Variants in KDM4C observed in about 807,000 individuals in gnomAD.
The protein encoded by KDM4C is lysine demethylase 4C, also known as lysine-specific demethylase 4C.
In KDM4C, 81 loss-of-function variants were observed where a neutral mutation model predicts 129.3. The observed-to-expected ratio is 0.63, with a 90% CI of 0.52 to 0.75. The LOEUF is 0.75. Ranked by LOEUF, KDM4C falls within the 30% of genes least tolerant of loss-of-function variation. The pLI, the probability that KDM4C is intolerant of heterozygous loss-of-function variation, is 0.00. For synonymous variants in KDM4C, 573 were observed against 456.1 expected (o/e 1.26, Z -3.26); for missense variants, 1,457 against 1,304.0 (o/e 1.12, Z -1.81).
chr9:6,786,272 A>G (rs1206788874), intron 1 of KDM4C, among the ~76,000 whole-genome samples: 1 of 152,254 alleles, frequency 6.6e-6, no homozygotes, highest in Admixed American at 6.5e-5. Context: ...CAAGGAGAGT[A>G]GATGTTTGTC....
chr9:7,082,714 GC>G (rs2132952113), intron 17 of KDM4C, among the ~76,000 whole-genome samples: 1 of 152,282 alleles, frequency 6.6e-6, no homozygotes, highest in Admixed American at 6.5e-5. Flanking sequence ...CTGCTTTAGA[GC>G]TGCTTCCTTG....
intron 17 of KDM4C, among the ~76,000 whole-genome samples, chr9:7,087,784 A>T (rs944536835): frequency 2.6e-5 from 4 of 152,218 alleles, no homozygotes; most frequent in African/African-American, 9.6e-5. Context: ...TTAGAGATAC[A>T]TGTTTTATTT....
At chr9:7,167,512 A>C (rs551460735) in intron 20 of KDM4C, among the ~76,000 whole-genome samples, 1 of 152,232 alleles carries the variant, frequency 6.6e-6, no homozygotes, top group African/African-American at 2.4e-5. Context: ...GCCTAGTTCA[A>C]TGTTAAAGAA....
intron 4 of KDM4C, among the ~76,000 whole-genome samples, chr9:6,825,546 A>C (rs1430582988): frequency 1.3e-5 from 2 of 152,198 alleles, no homozygotes; most frequent in Middle Eastern, 3.2e-3. Context: ...TGATTCTCAA[A>C]CTGGAAGCCA....
intron 8 of KDM4C, among the ~76,000 whole-genome samples, chr9:6,899,129 C>G (rs1816932823): frequency 6.6e-6 from 1 of 151,582 alleles, no homozygotes; most frequent in East Asian, 1.9e-4. Flanking sequence ...TGTAACAGAG[C>G]TGATGAGTAG....
intron 1 of KDM4C, among the ~76,000 whole-genome samples, chr9:6,785,333 C>T (rs1563999198): frequency 6.9e-6 from 1 of 145,318 alleles, no homozygotes; most frequent in Non-Finnish European, 1.5e-5. Context: ...GTCTCTTCTC[C>T]TCTTCCTCTT....
chr9:7,170,471 A>C, intron 21 of KDM4C: 18 of 984,062 alleles, frequency 1.8e-5, no homozygotes, highest in Non-Finnish European at 2.2e-5. Context: ...TAGTAGTTTC[A>C]TGCCCTCACA....
chr9:6,775,376 A>G (rs1726730076), intron 1 of KDM4C, among the ~76,000 whole-genome samples: 2 of 152,018 alleles, frequency 1.3e-5, no homozygotes, highest in Admixed American at 1.3e-4. Context: ...GTGTAGTTCC[A>G]TCGGGTGAAT....
At chr9:6,874,286 G>C (rs1198558233) in intron 5 of KDM4C, among the ~76,000 whole-genome samples, 1 of 152,142 alleles carries the variant, frequency 6.6e-6, no homozygotes, top group Non-Finnish European at 1.5e-5. Flanking sequence ...AATAAAATGA[G>C]GTATGTCCAT....
upstream of KDM4C, chr9:6,757,716 G>A: frequency 2.0e-6 from 2 of 985,594 alleles, no homozygotes; most frequent in Non-Finnish European, 1.2e-6. Flanking sequence ...CGGGACCCCA[G>A]CCAGCGCTTC....
intron 17 of KDM4C, among the ~76,000 whole-genome samples, chr9:7,067,201 C>A (rs1358493543): frequency 6.6e-6 from 1 of 152,198 alleles, no homozygotes; most frequent in Non-Finnish European, 1.5e-5. Context: ...AGCCTTTGAA[C>A]TATTGACTCT....
chr9:6,742,696 G>A (rs1289906053), intron 1 of KDM4C, among the ~76,000 whole-genome samples: 2 of 130,604 alleles, frequency 1.5e-5, no homozygotes, highest in Admixed American at 8.0e-5. Context: ...TTTTTTTTTA[G>A]AAGGAGTCTC....
chr9:7,130,038 G>T (rs1255794079), intron 19 of KDM4C, among the ~76,000 whole-genome samples: 2 of 152,202 alleles, frequency 1.3e-5, no homozygotes, highest in East Asian at 3.8e-4. Context: ...GGGATATGCA[G>T]GAGCAAGAGA....
chr9:6,760,839 T>G (rs1819330473), intron 1 of KDM4C, among the ~76,000 whole-genome samples: 2 of 151,960 alleles, frequency 1.3e-5, no homozygotes, highest in Admixed American at 1.3e-4. Flanking sequence ...CCCAAAGTGC[T>G]GGGATTACAG....
At chr9:6,727,478 C>T (rs963842132) in intron 1 of KDM4C, 6 of 147,962 alleles carry the variant, frequency 4.1e-5, no homozygotes, top group Admixed American at 6.9e-5. Context: ...AAAGGAAAGG[C>T]CGGCGCGGTG....
chr9:7,015,826 G>T lies in KDM4C; in HGVS notation c.2183-27G>T, dbSNP rs377406476. 3.3e-6 allele frequency: 5 copies of T among 1,492,844 alleles called. No individual in the cohort carries two copies. The East Asian group carries it at 1.1e-4, about 34-fold the overall frequency. The allele number at this position is 1,492,844 out of a possible 1,614,324, so 92.5% of individuals were successfully genotyped here. A position where few individuals can be genotyped will look rare whatever the true frequency, so the allele number is the denominator to read the frequency against. ...ATTTTAAAGGTGAAAAAGACCTAAC[G>T]CATGGATACATACTATTATTTTATA... On this transcript the variant is annotated intron_variant, in intron 14 of 21. Coordinates refer to ENST00000381309, the MANE Select transcript of KDM4C (RefSeq NM_015061.6).
intron 4 of KDM4C, chr9:6,835,293 C>T: frequency 1.1e-6 from 1 of 911,230 alleles, no homozygotes; most frequent in South Asian, 1.3e-5. Flanking sequence ...CCTTGAACTC[C>T]ATTATGAAGT....
At chr9:7,101,759 C>T (rs901808268) in intron 17 of KDM4C, among the ~76,000 whole-genome samples, 4 of 152,196 alleles carry the variant, frequency 2.6e-5, no homozygotes, top group African/African-American at 9.6e-5. Flanking sequence ...TAAGTCACAA[C>T]ACTGTCCTAC....
intron 12 of KDM4C, among the ~76,000 whole-genome samples, chr9:7,000,207 G>A (rs746330905): frequency 5.9e-5 from 9 of 152,104 alleles, no homozygotes; most frequent in Non-Finnish European, 1.0e-4. Context: ...TCCCAGTGGC[G>A]TTGATTTTTA....
Sources: allele counts gnomAD v4.1 joint callset (sites outside exome capture counted in the v4.1 genomes callset), GRCh38; gene constraint gnomAD v4.1.1; transcripts MANE v1.5; gene names NCBI Gene and HGNC (gene_info 2026-07-23, HGNC 2026-07-21).